Variants in SYT1 observed in about 807,000 individuals in gnomAD.
SYT1 encodes the protein synaptotagmin-1.
In SYT1, 8 loss-of-function variants were observed where a neutral mutation model predicts 44.8. The observed-to-expected ratio is 0.18, with a 90% CI of 0.10 to 0.32. SYT1 has a LOEUF of 0.32. Ranked by LOEUF, SYT1 falls within the 10% of genes least tolerant of loss-of-function variation. SYT1 has a pLI of 1.00. For synonymous variants in SYT1, 154 were observed against 188.8 expected (o/e 0.82, Z 1.51); for missense variants, 286 against 509.3 (o/e 0.56, Z 4.22).
intron 8 of SYT1, among the ~76,000 whole-genome samples, chr12:79,331,422 A>G (rs1196203706): frequency 2.6e-5 from 4 of 152,186 alleles, no homozygotes; most frequent in Non-Finnish European, 5.9e-5. Context: ...AATTGTGCAT[A>G]TACTCTTTTC....
At position 79,341,660 on chromosome 12, in the gene SYT1, CTTTTTTT is replaced by C. The variant is rs34759181; in HGVS notation, c.811-11822_811-11816del. ...GGAATACTTAATAAATACATTCATT[CTTTTTTT>C]TTTTTTTTTTTTTTTTTTTGAGACA... On this transcript the variant is annotated intron_variant, in intron 8 of 10. Transcript: ENST00000261205. Among the ~76,000 whole-genome samples the C allele has an allele frequency of 1.9e-4, 12 of 63,104 alleles. No homozygotes were observed. In the South Asian group the frequency reaches 8.8e-3, roughly 46 times the overall value. 41.4% of individuals were successfully genotyped at this position (63,104 alleles called of 152,430 possible). A position where few individuals can be genotyped will look rare whatever the true frequency, so the allele number is the denominator to read the frequency against.
At chr12:79,183,965 C>T (rs931259910) in intron 3 of SYT1, among the ~76,000 whole-genome samples, 2 of 152,052 alleles carry the variant, frequency 1.3e-5, no homozygotes, top group Non-Finnish European at 2.9e-5. Flanking sequence ...GCCACATCAT[C>T]GTCTCCGCCA....
chr12:79,051,088 A>G (rs2137789416), intron 3 of SYT1, among the ~76,000 whole-genome samples: 1 of 151,920 alleles, frequency 6.6e-6, no homozygotes, highest in South Asian at 2.1e-4. Context: ...ATTTTTTTCT[A>G]TCTGCCATAT....
chr12:79,225,813 G>A (rs1383952179), intron 4 of SYT1, among the ~76,000 whole-genome samples: 4 of 152,106 alleles, frequency 2.6e-5, no homozygotes, highest in Non-Finnish European at 5.9e-5. Flanking sequence ...TTTGCCCAAT[G>A]TTAGCACCTC....
rs181199034 is a variant in SYT1, at chr12:79,268,836, A to C, written c.167-16951A>C. 1.6e-4 allele frequency among the ~76,000 whole-genome samples: 25 copies of C among 152,338 alleles called. No homozygotes were observed. The East Asian group carries it at 4.6e-3, about 28-fold the overall frequency. ...GAAAAATCTAATGCAGATTTTGATA[A>C]GTCTGTATCATATTGAAAGCTCTGT... On this transcript the variant is annotated intron_variant, in intron 4 of 10. Coordinates refer to ENST00000261205, the MANE Select transcript of SYT1 (RefSeq NM_005639.3).
At chr12:78,970,865 T>C (rs1868357180) in intron 1 of SYT1, among the ~76,000 whole-genome samples, 1 of 152,198 alleles carries the variant, frequency 6.6e-6, no homozygotes, top group Non-Finnish European at 1.5e-5. Context: ...TTTACTATTA[T>C]ACCCATTGTT....
intron 8 of SYT1, among the ~76,000 whole-genome samples, chr12:79,302,824 TTTGACC>T (rs1880213169): frequency 6.6e-6 from 1 of 152,190 alleles, no homozygotes; most frequent in South Asian, 2.1e-4. Context: ...GAAGGTGGAA[TTTGACC>T]TTGGAGACAG....
chr12:78,877,994 T>A (rs1408431320), intron 1 of SYT1, among the ~76,000 whole-genome samples: 1 of 151,836 alleles, frequency 6.6e-6, no homozygotes, highest in African/African-American at 2.4e-5. Flanking sequence ...TAATCCATTA[T>A]TTTTAAGTCC....
intron 1 of SYT1, among the ~76,000 whole-genome samples, chr12:78,881,862 A>AT (rs1212028338): frequency 6.6e-6 from 1 of 151,604 alleles, no homozygotes; most frequent in Non-Finnish European, 1.5e-5. Flanking sequence ...TGTTAAGATG[A>AT]TTTTTTTGGC....
intron 4 of SYT1, among the ~76,000 whole-genome samples, chr12:79,251,373 C>A (rs1239392180): frequency 6.6e-6 from 1 of 151,950 alleles, no homozygotes; most frequent in Non-Finnish European, 1.5e-5. Context: ...AATCCAAATT[C>A]AGGAAAATTA....
chr12:79,208,893 C>G (rs1874278590), intron 3 of SYT1, among the ~76,000 whole-genome samples: 1 of 151,972 alleles, frequency 6.6e-6, no homozygotes, highest in Non-Finnish European at 1.5e-5. Context: ...GGAAGGCATA[C>G]TCTTTAAAAA....
intron 3 of SYT1, among the ~76,000 whole-genome samples, chr12:79,053,793 C>T (rs568807461): frequency 1.3e-5 from 2 of 151,386 alleles, no homozygotes; most frequent in Non-Finnish European, 2.9e-5. Flanking sequence ...TTTTGGAGTA[C>T]CATGCATCAT....
At chr12:79,304,874 C>T (rs190939111) in intron 8 of SYT1, among the ~76,000 whole-genome samples, 5 of 152,070 alleles carry the variant, frequency 3.3e-5, no homozygotes, top group East Asian at 1.9e-4. Context: ...AGTATCTCTG[C>T]GTCCATATCA....
chr12:79,039,701 C>A (rs946608814), intron 2 of SYT1, among the ~76,000 whole-genome samples: 1 of 149,364 alleles, frequency 6.7e-6, no homozygotes, highest in African/African-American at 2.5e-5. Context: ...ATACATGTGC[C>A]ATGCTGGTGC....
chr12:79,188,576 G>A (rs1872931890), intron 3 of SYT1, among the ~76,000 whole-genome samples: 1 of 151,964 alleles, frequency 6.6e-6, no homozygotes, highest in East Asian at 1.9e-4. Context: ...TACAAGGGTT[G>A]ACCACAGGCA....
intron 3 of SYT1, among the ~76,000 whole-genome samples, chr12:79,083,595 G>T (rs533462800): frequency 6.6e-6 from 1 of 152,100 alleles, no homozygotes; most frequent in African/African-American, 2.4e-5. Context: ...GAGTATTAAA[G>T]TATTTAAAGT....
rs141555413 is a variant in SYT1 at position 79,034,585 on chromosome 12, C to T, written c.-83-12712C>T. Among the ~76,000 whole-genome samples, 1,152 of 151,816 alleles carry T rather than the reference C, an allele frequency of 7.6e-3. 57 individuals carry two copies. Among genetic ancestry groups the T allele is most frequent in the Admixed American group, 0.07 (1,057 of 15,196 alleles). ...TGTAAATAGAGATAATTAACGCCTA[C>T]TGAACAATTTCCTTGTGAAGCTGAA... On this transcript the variant is annotated intron_variant, in intron 2 of 10. Transcript: ENST00000261205.
chr12:79,346,941 C>T lies in SYT1; in HGVS notation c.811-6561C>T, dbSNP rs566939446. ...GAAATAAATAGGGAAAAAGTAATCT[C>T]GAGGCACCATTCTACCAGCTATAAA... On this transcript the variant is annotated intron_variant, in intron 8 of 10. Coordinates refer to ENST00000261205, the MANE Select transcript of SYT1 (RefSeq NM_005639.3). 2.0e-5 allele frequency among the ~76,000 whole-genome samples: 3 copies of T among 151,862 alleles called. No homozygotes were observed. The East Asian group carries it at 5.8e-4, about 29-fold the overall frequency.
At chr12:79,380,756 C>T (rs1593016913) in intron 9 of SYT1, among the ~76,000 whole-genome samples, 1 of 152,170 alleles carries the variant, frequency 6.6e-6, no homozygotes, top group East Asian at 1.9e-4. Flanking sequence ...CCTTGCAATT[C>T]CCCAAGTGGA....
Sources: allele counts gnomAD v4.1 joint callset (sites outside exome capture counted in the v4.1 genomes callset), GRCh38; gene constraint gnomAD v4.1.1; transcripts MANE v1.5; gene names NCBI Gene and HGNC (gene_info 2026-07-23, HGNC 2026-07-21).